TFEC: variants seen among roughly 807,000 people sequenced by gnomAD.
The protein encoded by TFEC is transcription factor EC.
TFEC carries 31 observed loss-of-function variants against 41.6 expected under a neutral mutation model. The observed-to-expected ratio is 0.74, with a 90% CI of 0.56 to 1.01. The LOEUF is 1.01. Among genes scored for constraint, TFEC ranks in the 50% least tolerant of loss-of-function variants. The pLI, the probability that TFEC is intolerant of heterozygous loss-of-function variation, is 0.00. For missense variants in TFEC, 402 were observed against 404.1 expected (o/e 0.99, Z 0.04); for synonymous variants, 143 against 140.6 (o/e 1.02, Z -0.12).
intron 3 of TFEC, among the ~76,000 whole-genome samples, chr7:116,069,472 A>G (rs1433488944): frequency 6.6e-6 from 1 of 151,692 alleles, no homozygotes; most frequent in East Asian, 1.9e-4. Flanking sequence ...GGAAAAGTTC[A>G]AAGAATACAT....
intron 3 of TFEC, among the ~76,000 whole-genome samples, chr7:116,053,931 A>G (rs1333307316): frequency 6.6e-6 from 1 of 152,086 alleles, no homozygotes; most frequent in East Asian, 1.9e-4. Context: ...AGTATCTTAT[A>G]TAAATTATTT....
At chr7:116,080,995 G>A (rs1797076286) in intron 3 of TFEC, among the ~76,000 whole-genome samples, 4 of 143,646 alleles carry the variant, frequency 2.8e-5, no homozygotes, top group South Asian at 2.2e-4. Context: ...GTGTGTGTGT[G>A]TGTGTGTGTG....
chr7:116,119,616 T>C (rs189210004), intron 1 of TFEC, among the ~76,000 whole-genome samples: 3 of 151,878 alleles, frequency 2.0e-5, no homozygotes, highest in African/African-American at 7.2e-5. Context: ...AATAAAATGA[T>C]TACACTAGCC....
At chr7:116,052,247 A>G (rs986971740) in intron 3 of TFEC, among the ~76,000 whole-genome samples, 2 of 152,110 alleles carry the variant, frequency 1.3e-5, no homozygotes, top group African/African-American at 4.8e-5. Context: ...AGAAATTCTC[A>G]TCTTGCAAAT....
At chr7:116,080,580 C>T (rs558715328) in intron 3 of TFEC, among the ~76,000 whole-genome samples, 2 of 152,030 alleles carry the variant, frequency 1.3e-5, no homozygotes, top group African/African-American at 4.8e-5. Context: ...GGCCAAGAAG[C>T]ATATGGAAAA....
intron 1 of TFEC, among the ~76,000 whole-genome samples, chr7:115,995,101 A>G (rs2130742601): frequency 6.6e-6 from 1 of 152,010 alleles, no homozygotes; most frequent in East Asian, 1.9e-4. Flanking sequence ...TCAAGGACAG[A>G]AAACCAAACA....
intron 1 of TFEC, among the ~76,000 whole-genome samples, chr7:116,127,405 T>C (rs1000990458): frequency 5.3e-5 from 8 of 152,180 alleles, no homozygotes; most frequent in Non-Finnish European, 1.2e-4. Context: ...TTTTATCCGA[T>C]GTAATAATTC....
chr7:116,060,683 G>T (rs1028251349), intron 3 of TFEC, among the ~76,000 whole-genome samples: 4 of 151,970 alleles, frequency 2.6e-5, no homozygotes, highest in African/African-American at 9.7e-5. Context: ...CACAAAGAAG[G>T]AAAGAACAGA....
At position 115,935,424 on chromosome 7, in the gene TFEC, G is replaced by T. The variant is rs1793181067; in HGVS notation, c.*5127C>A. ...TTTGTATATGTAAAACACTATTAAAGTCAAAGATTTTTAACTACATAATAA... is the reference window on the plus strand; with the variant it reads ...TTTGTATATGTAAAACACTATTAAATTCAAAGATTTTTAACTACATAATAA... On this transcript the variant is annotated 3_prime_UTR_variant, in exon 8 of 8. Coordinates refer to ENST00000265440, the MANE Select transcript of TFEC (RefSeq NM_012252.4). 1 of 151,972 alleles carries T rather than the reference G, an allele frequency of 6.6e-6. No homozygotes were observed. The highest frequency in any genetic ancestry group is 2.4e-5 in the African/African-American group (1 of 41,384). 9.4% of individuals were successfully genotyped at this position (151,972 alleles called of 1,614,324 possible).
intron 1 of TFEC, among the ~76,000 whole-genome samples, chr7:116,003,463 A>C (rs1275623289): frequency 6.6e-6 from 1 of 152,138 alleles, no homozygotes; most frequent in Admixed American, 6.5e-5. Flanking sequence ...TTATATGCCC[A>C]AAAACAGAAG....
chr7:115,943,099 G>A (rs890585101), intron 6 of TFEC, among the ~76,000 whole-genome samples: 2 of 151,996 alleles, frequency 1.3e-5, no homozygotes, highest in African/African-American at 4.8e-5. Flanking sequence ...GTGCTTACTG[G>A]AGCCTGGATA....
In TFEC at chr7:116,011,292, A is replaced by G. The variant is rs138468664; in HGVS notation, c.-73+19341T>C. ...TTGCACCTCTTTTTGCTTATTGAGT[A>G]AATAGCACGTGGAAAAGACTATCCT... On this transcript the variant is annotated intron_variant, in intron 1 of 7. Coordinates refer to ENST00000265440, the MANE Select transcript of TFEC (RefSeq NM_012252.4). Among the ~76,000 whole-genome samples, 21 of 152,296 alleles carry G rather than the reference A, an allele frequency of 1.4e-4. No individual in the cohort carries two copies. In the East Asian group the frequency reaches 2.7e-3, roughly 20 times the overall value.
chr7:116,004,821 T>C lies in TFEC; in HGVS notation c.-72-20308A>G, dbSNP rs556351665. ...AAAAACATAATCATAGGGAGATCAG[T>C]ATTACTGATATGATTTGGCTGTGTC... On this transcript the variant is annotated intron_variant, in intron 1 of 7. Coordinates refer to ENST00000265440, the MANE Select transcript of TFEC (RefSeq NM_012252.4). Among the ~76,000 whole-genome samples the C allele has an allele frequency of 1.2e-4, 18 of 151,646 alleles. No individual in the cohort carries two copies. In the South Asian group the frequency reaches 3.3e-3, roughly 28 times the overall value.
At chr7:116,010,756 C>T (rs542109855) in intron 1 of TFEC, among the ~76,000 whole-genome samples, 1 of 152,140 alleles carries the variant, frequency 6.6e-6, no homozygotes, top group East Asian at 1.9e-4. Flanking sequence ...CTTTATTTTT[C>T]CCCCTTCTCC....
At chr7:116,130,864 G>T (rs1377228810) in intron 1 of TFEC, among the ~76,000 whole-genome samples, 6 of 152,082 alleles carry the variant, frequency 3.9e-5, no homozygotes, top group Admixed American at 3.9e-4. Context: ...TGCCCACTTT[G>T]GCCTCCCAAA....
In TFEC at chr7:115,954,384, C is replaced by T. The variant is rs137912663; in HGVS notation, c.439+202G>A. Among the ~76,000 whole-genome samples the T allele has an allele frequency of 8.1e-4, 123 of 152,074 alleles. 1 individual carries two copies. In the East Asian group the frequency reaches 0.02, roughly 25 times the overall value. ...GAAGTGAATGATCAAGGAGGGAATT[C>T]GAGATGTTTCATTTTGTGAAAATAG... On this transcript the variant is annotated intron_variant, in intron 5 of 7. Coordinates refer to ENST00000265440, the MANE Select transcript of TFEC (RefSeq NM_012252.4).
intron 3 of TFEC, among the ~76,000 whole-genome samples, chr7:116,069,998 T>G (rs1175034607): frequency 6.6e-6 from 1 of 151,496 alleles, no homozygotes; most frequent in Non-Finnish European, 1.5e-5. Flanking sequence ...AAAACAATGT[T>G]AAATAATTTG....
intron 1 of TFEC, among the ~76,000 whole-genome samples, chr7:116,021,862 C>T (rs577350499): frequency 6.6e-6 from 1 of 152,100 alleles, no homozygotes; most frequent in South Asian, 2.1e-4. Context: ...TAGGTGTGCT[C>T]TGTTTATATA....
At chr7:115,998,369 G>T (rs545788856) in intron 1 of TFEC, among the ~76,000 whole-genome samples, 1 of 151,746 alleles carries the variant, frequency 6.6e-6, no homozygotes, top group Non-Finnish European at 1.5e-5. Context: ...TACCACCAGA[G>T]AAAACTACCT....
Sources: allele counts gnomAD v4.1 joint callset (sites outside exome capture counted in the v4.1 genomes callset), GRCh38; gene constraint gnomAD v4.1.1; transcripts MANE v1.5; gene names NCBI Gene and HGNC (gene_info 2026-07-23, HGNC 2026-07-21).